The following RORA variants were observed in gnomAD, a reference collection of about 807,000 sequenced individuals.
RORA encodes RAR related orphan receptor A.
RORA carries 7 observed loss-of-function variants against 69.5 expected under a neutral mutation model. That is an observed-to-expected ratio of 0.10 (90% CI 0.06 to 0.19). RORA has a LOEUF of 0.19. RORA is among the 10% of genes least tolerant of loss of function. RORA has a pLI of 1.00. For synonymous variants in RORA, 261 were observed against 240.8 expected, an observed-to-expected ratio of 1.08 and a Z score of -0.78; for missense variants, 457 against 663.0, an observed-to-expected ratio of 0.69 and a Z score of 3.41.
intron 1 of RORA, among the ~76,000 whole-genome samples, chr15:60,741,909 G>T (rs1399292234): frequency 1.3e-5 from 2 of 152,076 alleles, no homozygotes; most frequent in Non-Finnish European, 2.9e-5. Context: ...ATCTCCTTGG[G>T]AAGCAACATG....
chr15:60,935,345 G>A (rs1566915354), intron 1 of RORA, among the ~76,000 whole-genome samples: 1 of 152,240 alleles, frequency 6.6e-6, no homozygotes, highest in Non-Finnish European at 1.5e-5. Context: ...CCAGAAACTG[G>A]AGGAGAGCAG....
chr15:60,610,476 A>T (rs2069060411), intron 2 of RORA, among the ~76,000 whole-genome samples: 1 of 152,168 alleles, frequency 6.6e-6, no homozygotes. Context: ...TTGCAGTTTA[A>T]TTCAGCAGGA....
In RORA at chr15:60,733,914, C is replaced by CAGAGAGAGAGAG. The variant is rs58672002; in HGVS notation, c.167-55240_167-55229dup. On this transcript the variant is annotated intron_variant, in intron 1 of 10. Coordinates refer to ENST00000335670, the MANE Select transcript of RORA (RefSeq NM_134261.3). The stretch of plus-strand genomic sequence containing the variant: ...CACAGGTGAGCGGTTAGAATAGGGG[C>CAGAGAGAGAGAG]AGAGAGAGAGAGAGAGAGAGAGAGA... 4.6e-3 allele frequency among the ~76,000 whole-genome samples: 465 copies of CAGAGAGAGAGAG among 101,376 alleles called. 6 individuals carry two copies. The highest frequency in any genetic ancestry group is 0.012 in the Middle Eastern group (2 of 164). 66.5% of individuals were successfully genotyped at this position (101,376 alleles called of 152,430 possible).
At chr15:60,859,584 T>C (rs1475961549) in intron 1 of RORA, among the ~76,000 whole-genome samples, 2 of 150,804 alleles carry the variant, frequency 1.3e-5, no homozygotes, top group Non-Finnish European at 3.0e-5. Context: ...CAAGAGATTG[T>C]CCCATCTCAG....
chr15:60,669,273 T>G (rs2070427728), intron 2 of RORA, among the ~76,000 whole-genome samples: 1 of 152,192 alleles, frequency 6.6e-6, no homozygotes, highest in African/African-American at 2.4e-5. Context: ...GTGAACATCC[T>G]TTTTCTTTAA....
Position 60,856,282 on chromosome 15 carries a change from A to G in RORA, c.167-177596T>C, listed in dbSNP as rs1442391691. On this transcript the variant is annotated intron_variant, in intron 1 of 10. Transcript: ENST00000335670. ...TAGAACGTTTTGCTTCTGAAGGTGG[A>G]AACCATTCAGATGCCTTCCACAACT... is the stretch of plus-strand genomic sequence containing the variant. Among the ~76,000 whole-genome samples the G allele has an allele frequency of 7.2e-5, 11 of 152,316 alleles. No homozygotes were observed. The East Asian group carries it at 1.9e-3, about 27-fold the overall frequency.
At chr15:60,849,578 T>C (rs1049875448) in intron 1 of RORA, among the ~76,000 whole-genome samples, 2 of 152,194 alleles carry the variant, frequency 1.3e-5, no homozygotes, top group Non-Finnish European at 2.9e-5. Context: ...TGGTTTTAAT[T>C]GTTGGGGCCA....
At chr15:60,946,307 T>G (rs1052122945) in intron 1 of RORA, among the ~76,000 whole-genome samples, 2 of 152,152 alleles carry the variant, frequency 1.3e-5, no homozygotes, top group Non-Finnish European at 2.9e-5. Flanking sequence ...AGGGTCTCCC[T>G]CTGATGACGA....
rs1188457703 is a variant in RORA, at chr15:61,229,243, T to G, written c.-25A>C. 2 of 1,322,830 alleles carry G rather than the reference T, an allele frequency of 1.5e-6. No individual in the cohort carries two copies. The highest frequency in any genetic ancestry group is 1.4e-5 in the South Asian group (1 of 70,066). The allele number at this position is 1,322,830 out of a possible 1,614,324, so 81.9% of individuals were successfully genotyped here. A position where few individuals can be genotyped will look rare whatever the true frequency, so the allele number is the denominator to read the frequency against. ...TGTTTTTTCCCAATGTAGAGATCGC[T>G]GGAGATGGCGAGCTCCGAGACTCCC... On this transcript the variant is annotated 5_prime_UTR_variant, in exon 1 of 11. Coordinates refer to ENST00000335670, the MANE Select transcript of RORA (RefSeq NM_134261.3).
At chr15:60,939,007 C>A (rs139365026) in intron 1 of RORA, among the ~76,000 whole-genome samples, 2 of 152,170 alleles carry the variant, frequency 1.3e-5, no homozygotes, top group Non-Finnish European at 2.9e-5. Context: ...AGTGATGGCT[C>A]GATCAAAGTT....
intron 1 of RORA, among the ~76,000 whole-genome samples, chr15:60,957,341 T>C (rs181538605): frequency 3.3e-5 from 5 of 152,302 alleles, no homozygotes; most frequent in African/African-American, 1.2e-4. Flanking sequence ...TTCAGGAACT[T>C]TGCCAAGAAA....
intron 1 of RORA, among the ~76,000 whole-genome samples, chr15:60,951,696 T>C (rs997607232): frequency 3.3e-5 from 5 of 152,104 alleles, no homozygotes; most frequent in Non-Finnish European, 4.4e-5. Flanking sequence ...CTAGAAGAAA[T>C]GGATAAATTC....
chr15:61,148,774 A>C (rs1209866701), intron 1 of RORA, among the ~76,000 whole-genome samples: 2 of 152,210 alleles, frequency 1.3e-5, no homozygotes, highest in African/African-American at 2.4e-5. Context: ...ATTTAAAATT[A>C]GATTAGAATG....
chr15:60,516,039 T>TTATA (rs1555424840), intron 3 of RORA, among the ~76,000 whole-genome samples: 2 of 11,664 alleles, frequency 1.7e-4, no homozygotes, highest in Non-Finnish European at 1.5e-4. Flanking sequence ...TTATATATAT[T>TTATA]TATATATTTA....
rs527757795 is a variant in RORA, at chr15:60,919,046, G to A, written c.167-240360C>T. 1.2e-4 allele frequency among the ~76,000 whole-genome samples: 18 copies of A among 152,282 alleles called. No individual in the cohort carries two copies. The East Asian group carries it at 2.5e-3, about 21-fold the overall frequency. On this transcript the variant is annotated intron_variant, in intron 1 of 10. Transcript: ENST00000335670. The stretch of plus-strand genomic sequence containing the variant: ...CCATCTACTTATGATGCTACGAAAA[G>A]ACATGCGGCTTATATAATATGCACT...
intron 1 of RORA, among the ~76,000 whole-genome samples, chr15:60,942,481 A>G (rs908324297): frequency 6.6e-6 from 1 of 152,240 alleles, no homozygotes; most frequent in Non-Finnish European, 1.5e-5. Flanking sequence ...TTATTTGCCC[A>G]TGGATGAAAA....
At chr15:60,637,436 T>C (rs2069861232) in intron 2 of RORA, among the ~76,000 whole-genome samples, 1 of 152,166 alleles carries the variant, frequency 6.6e-6, no homozygotes, top group Non-Finnish European at 1.5e-5. Context: ...AATTTTATTT[T>C]TCTCTATATT....
intron 1 of RORA, among the ~76,000 whole-genome samples, chr15:61,064,366 C>T (rs2078228117): frequency 6.6e-6 from 1 of 152,148 alleles, no homozygotes. Flanking sequence ...TTTGCAATGC[C>T]TTGCAATACA....
intron 1 of RORA, among the ~76,000 whole-genome samples, chr15:60,877,968 T>C (rs2140443200): frequency 6.6e-6 from 1 of 151,966 alleles, no homozygotes; most frequent in South Asian, 2.1e-4. Context: ...ACATTCACAA[T>C]ATTATACAAA....
Sources: allele counts gnomAD v4.1 joint callset (sites outside exome capture counted in the v4.1 genomes callset), GRCh38; gene constraint gnomAD v4.1.1; transcripts MANE v1.5; gene names NCBI Gene and HGNC (gene_info 2026-07-23, HGNC 2026-07-21).